Variants in APPL1 observed in about 807,000 individuals in gnomAD.
APPL1 encodes adaptor protein, phosphotyrosine interacting with PH domain and leucine zipper 1.
A neutral mutation model predicts 106.8 loss-of-function variants in APPL1; 42 were observed. The observed-to-expected ratio is 0.39, with a 90% CI of 0.31 to 0.51. The LOEUF (loss-of-function observed/expected upper bound fraction) is 0.51, where lower values mean the gene tolerates loss of function less well. APPL1 is among the 20% of genes least tolerant of loss of function. The probability of loss-of-function intolerance (pLI) is 0.75; values close to 1 mark genes in which losing one functional copy is unlikely to be tolerated. For missense variants in APPL1, 769 were observed against 858.2 expected (o/e 0.90, Z 1.30); for synonymous variants, 263 against 281.8 (o/e 0.93, Z 0.67).
chr3:57,255,882 T>C (rs2060832745), intron 13 of APPL1, among the ~76,000 whole-genome samples: 1 of 152,242 alleles, frequency 6.6e-6, no homozygotes. Context: ...TTACAGTCTT[T>C]TACTACCAAT....
chr3:57,227,970 G>A, intron 1 of APPL1, 33 bp downstream of exon 1: 2 of 1,408,130 alleles, frequency 1.4e-6, no homozygotes, highest in East Asian at 3.1e-5. Flanking sequence ...CGACGAGGGA[G>A]AGCCCAGCTG....
chr3:57,269,446 CAGA>C, intron 21 of APPL1, 92 bp from the exon 22 acceptor site: 1 of 1,128,040 alleles, frequency 8.9e-7, no homozygotes, highest in Non-Finnish European at 1.2e-6. Flanking sequence ...ATATTTATGA[CAGA>C]AGAAGTGGCT....
rs115681122 is a variant in APPL1, at chr3:57,248,888, A to G, written c.864-472A>G. Among the ~76,000 whole-genome samples the G allele has an allele frequency of 7.6e-3, 1,154 of 152,248 alleles. 11 individuals carry two copies. The highest frequency in any genetic ancestry group is 0.012 in the Non-Finnish European group (783 of 67,996). The stretch of plus-strand genomic sequence containing the variant: ...CTGTCTCAAAAAAAAAAATGAAGTG[A>G]AACTAATTTGAGTTTAAATAAATAT... On this transcript the variant is annotated intron_variant, in intron 10 of 21. Coordinates refer to ENST00000288266, the MANE Select transcript of APPL1 (RefSeq NM_012096.3).
rs1405302610 is a variant in APPL1, at chr3:57,271,434, T to TATC, written c.*1749_*1751dup. ...CAAAAGGAATGCTTTCACAATAGTG[T>TATC]ATCAGTTCTTTTGTTTTGTTAAAGT... On this transcript the variant is annotated 3_prime_UTR_variant, in exon 22 of 22. Transcript: ENST00000288266. The TATC allele has an allele frequency of 6.6e-6, 1 of 152,640 alleles. No homozygotes were observed. The highest frequency in any genetic ancestry group is 1.5e-5 in the Non-Finnish European group (1 of 68,050). 9.5% of individuals were successfully genotyped at this position (152,640 alleles called of 1,614,324 possible).
At chr3:57,241,280 G>A (rs993218615) in intron 5 of APPL1, among the ~76,000 whole-genome samples, 1 of 152,150 alleles carries the variant, frequency 6.6e-6, no homozygotes, top group African/African-American at 2.4e-5. Context: ...AGAGGTGTGT[G>A]TATGGGCCGA....
chr3:57,253,793 C>A, intron 13 of APPL1, 55 bp downstream of exon 13: 1 of 1,299,968 alleles, frequency 7.7e-7, no homozygotes, highest in Non-Finnish European at 1.0e-6. Flanking sequence ...AATTTTGTGG[C>A]TTACATGTTT....
chr3:57,259,732 C>A, intron 16 of APPL1, 113 bp from the exon 17 acceptor site: 1 of 903,434 alleles, frequency 1.1e-6, no homozygotes, highest in Non-Finnish European at 1.6e-6. Context: ...CACTAGAAAA[C>A]CTAAAAGGAG....
At chr3:57,254,819 T>C (rs1431346838) in intron 13 of APPL1, among the ~76,000 whole-genome samples, 2 of 152,090 alleles carry the variant, frequency 1.3e-5, no homozygotes, top group African/African-American at 4.8e-5. Context: ...GAGACAGGGT[T>C]TTGCCATGTT....
intron 1 of APPL1, among the ~76,000 whole-genome samples, chr3:57,235,096 T>G (rs1358521885): frequency 6.6e-6 from 1 of 152,212 alleles, no homozygotes; most frequent in Non-Finnish European, 1.5e-5. Flanking sequence ...GCATTTTATA[T>G]GCTGAAGAGT....
At chr3:57,231,709 A>G (rs1275334364) in intron 1 of APPL1, among the ~76,000 whole-genome samples, 1 of 151,464 alleles carries the variant, frequency 6.6e-6, no homozygotes, top group Admixed American at 6.6e-5. Context: ...TCAGGAGGCT[A>G]GGGCAGGAGG....
intron 1 of APPL1, among the ~76,000 whole-genome samples, chr3:57,233,908 C>T (rs2060702264): frequency 6.6e-6 from 1 of 151,772 alleles, no homozygotes; most frequent in African/African-American, 2.4e-5. Context: ...ATAGTGAGAC[C>T]CTGTCACTAC....
At chr3:57,262,407 T>G (rs1429239350) in intron 19 of APPL1, among the ~76,000 whole-genome samples, 1 of 135,232 alleles carries the variant, frequency 7.4e-6, no homozygotes, top group Non-Finnish European at 1.6e-5. Flanking sequence ...TTTTTTTTTT[T>G]TTTGAGACAG....
At chr3:57,232,492 G>A (rs2060691987) in intron 1 of APPL1, among the ~76,000 whole-genome samples, 1 of 152,162 alleles carries the variant, frequency 6.6e-6, no homozygotes, top group South Asian at 2.1e-4. Context: ...CACCATTTGA[G>A]AAAGGAATAT....
chr3:57,235,681 T>A lies in APPL1; in HGVS notation c.153+17T>A. 1 of 1,570,248 alleles carries A rather than the reference T, an allele frequency of 6.4e-7. No homozygotes were observed. The highest frequency in any genetic ancestry group is 2.3e-5 in the East Asian group (1 of 44,436). ...GATGCACAGGTAAAACACTAAGGAC[T>A]AACTTGATGCTTTTAAAACACGAAT... On this transcript the variant is annotated intron_variant, in intron 2 of 21. Transcript: ENST00000288266.
rs2060960739 is a variant in APPL1 at position 57,273,408 on chromosome 3, TTG to T, written c.*3723_*3724del. On this transcript the variant is annotated 3_prime_UTR_variant, in exon 22 of 22. Transcript: ENST00000288266. ...TACTGACAAGGCTTCAGGAAAAAAGTTGTTAGAAGATTTTTTAATGTATAATA... is the reference window on the plus strand; with the variant it reads ...TACTGACAAGGCTTCAGGAAAAAAGTTTAGAAGATTTTTTAATGTATAATA... The T allele has an allele frequency of 6.6e-6, 1 of 152,426 alleles. No homozygotes were observed. Among genetic ancestry groups the T allele is most frequent in the Non-Finnish European group, 1.5e-5 (1 of 68,028 alleles). The allele number at this position is 152,426 out of a possible 1,614,324, so 9.4% of individuals were successfully genotyped here. A position where few individuals can be genotyped will look rare whatever the true frequency, so the allele number is the denominator to read the frequency against.
chr3:57,272,044 A>AGAT lies in APPL1; in HGVS notation c.*2359_*2361dup, dbSNP rs1477037937. 2 of 152,162 alleles carry AGAT rather than the reference A, an allele frequency of 1.3e-5. No homozygotes were observed. The highest frequency in any genetic ancestry group is 1.9e-4 in the East Asian group (1 of 5,196). 9.4% of individuals were successfully genotyped at this position (152,162 alleles called of 1,614,324 possible). A position where few individuals can be genotyped will look rare whatever the true frequency, so the allele number is the denominator to read the frequency against. On this transcript the variant is annotated 3_prime_UTR_variant, in exon 22 of 22. Coordinates refer to ENST00000288266, the MANE Select transcript of APPL1 (RefSeq NM_012096.3). ...TCCTTTGAAATCCCTTCTAGTTCTG[A>AGAT]GATGCTTTGAGGGTAACTGGATTCG...
chr3:57,242,173 T>C (rs1461165974), intron 6 of APPL1, 31 bp downstream of exon 6: 1 of 1,547,072 alleles, frequency 6.5e-7, no homozygotes, highest in Non-Finnish European at 8.9e-7. Context: ...ACTTATTTCT[T>C]GCAGTGATGT....
At chr3:57,238,596 G>A (rs912172712) in intron 4 of APPL1, among the ~76,000 whole-genome samples, 4 of 152,278 alleles carry the variant, frequency 2.6e-5, no homozygotes, top group African/African-American at 7.2e-5. Flanking sequence ...ATGGAGAATC[G>A]TTAACTGTTC....
At chr3:57,253,966 G>A (rs1054524281) in intron 13 of APPL1, among the ~76,000 whole-genome samples, 3 of 151,310 alleles carry the variant, frequency 2.0e-5, no homozygotes, top group Non-Finnish European at 4.4e-5. Flanking sequence ...AGGTTCAAGC[G>A]ATTCTCCTGC....
Sources: allele counts gnomAD v4.1 joint callset (sites outside exome capture counted in the v4.1 genomes callset), GRCh38; gene constraint gnomAD v4.1.1; transcripts MANE v1.5; gene names NCBI Gene and HGNC (gene_info 2026-07-23, HGNC 2026-07-21).